LEF1: variants seen among roughly 807,000 people sequenced by gnomAD.
The protein encoded by LEF1 is lymphoid enhancer-binding factor 1.
In LEF1, 14 loss-of-function variants were observed where a neutral mutation model predicts 51.2. That is an observed-to-expected ratio of 0.27 (90% CI 0.18 to 0.43). LEF1 has a LOEUF of 0.43. LEF1 is among the 20% of genes least tolerant of loss of function. The pLI, the probability that LEF1 is intolerant of heterozygous loss-of-function variation, is 1.00. For missense variants in LEF1, 386 were observed against 512.0 expected (o/e 0.75, Z 2.37); for synonymous variants, 185 against 183.2 (o/e 1.01, Z -0.08).
Position 108,064,331 on chromosome 4 carries a change from C to G in LEF1, c.1165+5G>C, listed in dbSNP as rs747809538. On this transcript the variant is annotated splice_donor_5th_base_variant and intron_variant, in intron 10 of 11. Transcript: ENST00000265165. ...GGATTGACTGGAAAGTCTCATGGTG[C>G]CTACCTGATGCAGATTCCTGTAGTT... 2.1e-5 allele frequency: 33 copies of G among 1,609,068 alleles called. No individual in the cohort carries two copies. The highest frequency in any genetic ancestry group is 2.8e-5 in the Non-Finnish European group (33 of 1,175,660).
intron 3 of LEF1, among the ~76,000 whole-genome samples, chr4:108,090,529 GGTTTAACC>G (rs1372528154): frequency 4.0e-5 from 6 of 151,832 alleles, no homozygotes; most frequent in African/African-American, 1.5e-4. Context: ...GACTTAAGTA[GGTTTAACC>G]TAATTAGTAA....
chr4:108,055,199 A>G (rs1737239298), intron 11 of LEF1, among the ~76,000 whole-genome samples: 1 of 152,212 alleles, frequency 6.6e-6, no homozygotes, highest in South Asian at 2.1e-4. Flanking sequence ...CTAAATCCAC[A>G]CAGATCAGAA....
chr4:108,089,357 A>G (rs1248595837), intron 3 of LEF1, 100 bp from the exon 4 acceptor site: 1 of 1,285,544 alleles, frequency 7.8e-7, no homozygotes, highest in African/African-American at 1.5e-5. Flanking sequence ...CCAGTCATCA[A>G]CATAACCCAA....
At chr4:108,111,812 G>A (rs1323003553) in intron 3 of LEF1, among the ~76,000 whole-genome samples, 2 of 152,186 alleles carry the variant, frequency 1.3e-5, no homozygotes, top group Non-Finnish European at 2.9e-5. Context: ...TACTCAGAAG[G>A]TTGAGGTGGG....
chr4:108,109,189 G>T (rs574756243), intron 3 of LEF1, among the ~76,000 whole-genome samples: 1 of 152,354 alleles, frequency 6.6e-6, no homozygotes, highest in East Asian at 1.9e-4. Context: ...GAGGAAAGAA[G>T]AGAAATCCAC....
intron 3 of LEF1, among the ~76,000 whole-genome samples, chr4:108,097,742 AT>A (rs147780540): frequency 1.3e-5 from 2 of 151,794 alleles, no homozygotes; most frequent in East Asian, 1.9e-4. Context: ...AAACCTAGAC[AT>A]TTTTTAATAT....
At chr4:108,121,146 T>C (rs1742157313) in intron 3 of LEF1, among the ~76,000 whole-genome samples, 1 of 152,208 alleles carries the variant, frequency 6.6e-6, no homozygotes. Context: ...AATTAATAAC[T>C]TCTACTGCTT....
intron 6 of LEF1, 59 bp from the exon 7 acceptor site, chr4:108,079,673 T>C: frequency 6.3e-7 from 1 of 1,598,564 alleles, no homozygotes; most frequent in Admixed American, 1.7e-5. Flanking sequence ...AAAAGCTAGA[T>C]GGAATTTCAA....
At chr4:108,128,350 T>C (rs1304109997) in intron 3 of LEF1, among the ~76,000 whole-genome samples, 2 of 151,968 alleles carry the variant, frequency 1.3e-5, no homozygotes, top group Non-Finnish European at 2.9e-5. Flanking sequence ...ATGAACAAAG[T>C]GGAACAAGAG....
chr4:108,064,517 C>G (rs996059663), intron 9 of LEF1, 133 bp from the exon 10 acceptor site: 40 of 624,862 alleles, frequency 6.4e-5, no homozygotes, highest in Non-Finnish European at 9.4e-5. Flanking sequence ...TTCACCATCT[C>G]TATCTAGAAA....
chr4:108,119,918 A>G (rs547751570), intron 3 of LEF1, among the ~76,000 whole-genome samples: 6 of 152,262 alleles, frequency 3.9e-5, no homozygotes, highest in African/African-American at 1.4e-4. Context: ...TTAAAAAACA[A>G]TCTGTTTAAA....
intron 3 of LEF1, among the ~76,000 whole-genome samples, chr4:108,139,437 C>T (rs1011905414): frequency 6.6e-6 from 1 of 152,206 alleles, no homozygotes; most frequent in Non-Finnish European, 1.5e-5. Flanking sequence ...GCTAACTATC[C>T]TTTTCTCCCT....
intron 3 of LEF1, among the ~76,000 whole-genome samples, chr4:108,126,645 A>T (rs1298050425): frequency 1.3e-5 from 2 of 151,976 alleles, no homozygotes; most frequent in African/African-American, 2.4e-5. Context: ...TCTACTAAAA[A>T]ATACAAAAAT....
chr4:108,060,632 T>C (rs563542487), intron 11 of LEF1, among the ~76,000 whole-genome samples: 233 of 152,144 alleles, frequency 1.5e-3, no homozygotes, highest in African/African-American at 5.4e-3. Flanking sequence ...GTAATAACGG[T>C]GGTTATTTCT....
In LEF1 at chr4:108,162,751, TCC is replaced by T. The variant is rs1560833858; in HGVS notation, c.414+815_414+816del. Among the ~76,000 whole-genome samples, 13 of 152,220 alleles carry T rather than the reference TCC, an allele frequency of 8.5e-5. 1 individual carries two copies. The highest frequency in any genetic ancestry group is 7.8e-4 in the Admixed American group (12 of 15,292). On this transcript the variant is annotated intron_variant, in intron 3 of 11. Coordinates refer to ENST00000265165, the MANE Select transcript of LEF1 (RefSeq NM_016269.5). ...AATATATTGATGGGTCAGTAAAAAG[TCC>T]GTCACCAACGCTGGTGGGCTAATTC...
intron 3 of LEF1, among the ~76,000 whole-genome samples, chr4:108,148,818 C>T (rs1269906304): frequency 1.3e-5 from 2 of 152,118 alleles, no homozygotes; most frequent in Admixed American, 1.3e-4. Flanking sequence ...TAGTGAACTG[C>T]AATAAGATGT....
At chr4:108,083,045 C>T (rs1430621696) in intron 5 of LEF1, among the ~76,000 whole-genome samples, 1 of 152,138 alleles carries the variant, frequency 6.6e-6, no homozygotes, top group Non-Finnish European at 1.5e-5. Context: ...AAAAGAAGAA[C>T]CACACTGAGC....
At chr4:108,091,060 A>T (rs1393674734) in intron 3 of LEF1, among the ~76,000 whole-genome samples, 1 of 152,190 alleles carries the variant, frequency 6.6e-6, no homozygotes, top group African/African-American at 2.4e-5. Context: ...ACATGTCTTC[A>T]TCATAATTAG....
At chr4:108,070,342 G>A (rs1208803508) in intron 9 of LEF1, 2 of 182,130 alleles carry the variant, frequency 1.1e-5, no homozygotes, top group Non-Finnish European at 2.3e-5. Context: ...AGTAATATAA[G>A]TAGTTATTAC....
Sources: gnomAD v4.1 joint callset for allele counts (sites outside exome capture counted in the v4.1 genomes callset) on GRCh38, gnomAD v4.1.1 for gene constraint, MANE v1.5 for transcripts, NCBI Gene and HGNC (gene_info 2026-07-23, HGNC 2026-07-21) for gene names.